EREG: variants seen among roughly 807,000 people sequenced by gnomAD.
EREG encodes the protein epiregulin, also known as proepiregulin.
Under a neutral mutation model 22.4 loss-of-function variants are expected in EREG, and 23 were observed. The observed-to-expected ratio is 1.03, with a 90% CI of 0.74 to 1.46. EREG has a LOEUF of 1.46. Ranked by LOEUF, EREG falls within the 40% of genes most tolerant of loss-of-function variation. The pLI, the probability that EREG is intolerant of heterozygous loss-of-function variation, is 0.00. For missense variants in EREG, 226 were observed against 205.9 expected (o/e 1.10, Z -0.60); for synonymous variants, 100 against 75.4 (o/e 1.33, Z -1.69).
chr4:74,374,955 A>C (rs980668494), intron 1 of EREG, among the ~76,000 whole-genome samples: 1 of 152,236 alleles, frequency 6.6e-6, no homozygotes, highest in Non-Finnish European at 1.5e-5. Context: ...GCTGTATTGT[A>C]AAAGAAGCGC....
At chr4:74,381,199 C>CA in intron 3 of EREG, 62 bp downstream of exon 3, 3 of 1,460,854 alleles carry the variant, frequency 2.1e-6, no homozygotes, top group Non-Finnish European at 2.8e-6. Context: ...TTTAGGGGTA[C>CA]AAGTGCAGAT....
At chr4:74,374,876 T>G (rs1752352170) in intron 1 of EREG, among the ~76,000 whole-genome samples, 1 of 152,176 alleles carries the variant, frequency 6.6e-6, no homozygotes, top group African/African-American at 2.4e-5. Context: ...TAGGTGAGGT[T>G]CACATTCCTA....
chr4:74,379,614 G>T, intron 2 of EREG, 80 bp downstream of exon 2: 1 of 851,628 alleles, frequency 1.2e-6, no homozygotes, highest in Non-Finnish European at 1.9e-6. Context: ...CTATAAGTAT[G>T]TGATAATTTT....
rs569350782 is a variant in EREG, at chr4:74,370,267, A to C, written c.67+4892A>C. Among the ~76,000 whole-genome samples the C allele has an allele frequency of 3.3e-5, 5 of 152,064 alleles. No individual in the cohort carries two copies. The East Asian group carries it at 9.7e-4, about 29-fold the overall frequency. On this transcript the variant is annotated intron_variant, in intron 1 of 4. Coordinates refer to ENST00000244869, the MANE Select transcript of EREG (RefSeq NM_001432.3). Reference sequence around the variant, plus strand: ...ACATCACACTGTAAGTGTGTGTATAACTCTATCCCTCCTTGCTGGTGCTAT... The same window carrying C: ...ACATCACACTGTAAGTGTGTGTATACCTCTATCCCTCCTTGCTGGTGCTAT...
chr4:74,388,367 G>A lies in EREG; in HGVS notation c.*3559G>A, dbSNP rs971832919. ...GTGTATATTTTAATGTTTTTAAAAAGAGTAATTTCATTTAAATATCTGTTA... is the reference window on the plus strand; with the variant it reads ...GTGTATATTTTAATGTTTTTAAAAAAAGTAATTTCATTTAAATATCTGTTA... On this transcript the variant is annotated 3_prime_UTR_variant, in exon 5 of 5. Transcript: ENST00000244869. 1 of 152,356 alleles carries A rather than the reference G, an allele frequency of 6.6e-6. No individual in the cohort carries two copies. The highest frequency in any genetic ancestry group is 6.5e-5 in the Admixed American group (1 of 15,280). 9.4% of individuals were successfully genotyped at this position (152,356 alleles called of 1,614,324 possible). A position where few individuals can be genotyped will look rare whatever the true frequency, so the allele number is the denominator to read the frequency against.
Position 74,381,157 on chromosome 4 carries a change from C to A in EREG, c.278+20C>A. 1.2e-6 allele frequency: 2 copies of A among 1,602,594 alleles called. No homozygotes were observed. Among genetic ancestry groups the A allele is most frequent in the Non-Finnish European group, 8.5e-7 (1 of 1,174,584 alleles). On this transcript the variant is annotated intron_variant, in intron 3 of 4. Coordinates refer to ENST00000244869, the MANE Select transcript of EREG (RefSeq NM_001432.3). ...CTGCAGGTAATATGTCAGAAATAAA[C>A]AAACACAGTTTGTAAAATTTTGTTT... is the stretch of plus-strand genomic sequence containing the variant.
intron 1 of EREG, among the ~76,000 whole-genome samples, chr4:74,370,564 A>C (rs1481916420): frequency 6.6e-6 from 1 of 152,084 alleles, no homozygotes; most frequent in Non-Finnish European, 1.5e-5. Flanking sequence ...TCACATTTTT[A>C]TCTCTTATTA....
At chr4:74,379,252 T>C (rs1311348464) in intron 1 of EREG, among the ~76,000 whole-genome samples, 196 bp from the exon 2 acceptor site, 1 of 152,208 alleles carries the variant, frequency 6.6e-6, no homozygotes, top group Non-Finnish European at 1.5e-5. Flanking sequence ...AAGGCTTTTA[T>C]CCTTCCACAG....
chr4:74,379,576 T>G (rs557859793), intron 2 of EREG, 42 bp downstream of exon 2: 1 of 1,139,972 alleles, frequency 8.8e-7, no homozygotes, highest in Non-Finnish European at 1.3e-6. Flanking sequence ...AGACTACATA[T>G]TTTTAAACAG....
At chr4:74,379,681 T>C (rs919512677) in intron 2 of EREG, 147 bp downstream of exon 2, 2 of 512,218 alleles carry the variant, frequency 3.9e-6, no homozygotes, top group South Asian at 3.6e-5. Context: ...TATAAACTAA[T>C]GTTCTGAAAA....
rs1452439466 is a variant in EREG, at chr4:74,386,275, T to C, written c.*1467T>C. 1 of 154,854 alleles carries C rather than the reference T, an allele frequency of 6.5e-6. No homozygotes were observed. Among genetic ancestry groups the C allele is most frequent in the East Asian group, 1.9e-4 (1 of 5,318 alleles). The allele number at this position is 154,854 out of a possible 1,614,324, so 9.6% of individuals were successfully genotyped here. A position where few individuals can be genotyped will look rare whatever the true frequency, so the allele number is the denominator to read the frequency against. On this transcript the variant is annotated 3_prime_UTR_variant, in exon 5 of 5. Coordinates refer to ENST00000244869, the MANE Select transcript of EREG (RefSeq NM_001432.3). The stretch of plus-strand genomic sequence containing the variant: ...CTTCCTCTACGTTTATCCTGGCATG[T>C]GCTAGGGTAAACGAAGGCATAATAA...
In EREG at chr4:74,384,908, C is replaced by T. The variant is rs994556722; in HGVS notation, c.*100C>T. 18 of 623,366 alleles carry T rather than the reference C, an allele frequency of 2.9e-5. No homozygotes were observed. The highest frequency in any genetic ancestry group is 5.0e-5 in the Non-Finnish European group (18 of 357,332). 38.6% of individuals were successfully genotyped at this position (623,366 alleles called of 1,614,324 possible). ...ATTTATGTTGGGTCAAGTGTTAGGT[C>T]AATAACACTGTATTTTAATGTACTT... On this transcript the variant is annotated 3_prime_UTR_variant, in exon 5 of 5. Coordinates refer to ENST00000244869, the MANE Select transcript of EREG (RefSeq NM_001432.3).
At position 74,379,490 on chromosome 4, in the gene EREG, C is replaced by T. The variant is rs1752438983; in HGVS notation, c.110C>T (p.Pro37Leu). 1 of 1,612,540 alleles carries T rather than the reference C, an allele frequency of 6.2e-7. No individual in the cohort carries two copies. Among genetic ancestry groups the T allele is most frequent in the East Asian group, 2.2e-5 (1 of 44,840 alleles). The change falls in exon 2 of 5, where the codon CCA becomes CTA. Residue 37 changes from proline (P) to leucine (L), a missense_variant. Transcript: ENST00000244869. ...LQAVLSTTVIPSCIPGESSDN... is the reference protein window; with the variant it reads ...LQAVLSTTVILSCIPGESSDN... ...GCAGTCCTCAGTACAACTGTGATTC[C>T]ATCATGTATCCCAGGAGAGTCCAGT...
rs775568426 is a variant in EREG, at chr4:74,365,304, C to G, written c.-5C>G. 1.2e-6 allele frequency: 2 copies of G among 1,602,904 alleles called. No homozygotes were observed. Among genetic ancestry groups the G allele is most frequent in the African/African-American group, 1.3e-5 (1 of 74,910 alleles). On this transcript the variant is annotated 5_prime_UTR_variant, in exon 1 of 5. It adds an upstream start codon to the 5' untranslated region. Coordinates refer to ENST00000244869, the MANE Select transcript of EREG (RefSeq NM_001432.3). ...GCCAAGCCCCAGCGCCCGCTCCCAT[C>G]GCCGATGACCGCGGGGAGGAGGATG... is the stretch of plus-strand genomic sequence containing the variant.
At position 74,387,904 on chromosome 4, in the gene EREG, TCCTTAA is replaced by T. The variant is rs1449309970; in HGVS notation, c.*3109_*3114del. The T allele has an allele frequency of 6.6e-6, 1 of 152,208 alleles. No individual in the cohort carries two copies. 9.4% of individuals were successfully genotyped at this position (152,208 alleles called of 1,614,324 possible). ...AAGGTTTAACCTTAAAATTAAGATT[TCCTTAA>T]CCTTAACCTTAAAATTGATATTATA... On this transcript the variant is annotated 3_prime_UTR_variant, in exon 5 of 5. Transcript: ENST00000244869.
At position 74,365,358 on chromosome 4, in the gene EREG, C is replaced by A. The variant is rs137906252; in HGVS notation, c.50C>A (p.Ala17Glu). 6 of 1,610,984 alleles carry A rather than the reference C, an allele frequency of 3.7e-6. No individual in the cohort carries two copies. In the South Asian group the frequency reaches 4.4e-5, roughly 12 times the overall value. The change falls in exon 1 of 5, where the codon GCG becomes GAG. Residue 17 changes from alanine (A) to glutamate (E), a missense_variant. Physicochemically the swap from Ala to Glu is moderately radical, Grantham distance 107. Coordinates refer to ENST00000244869, the MANE Select transcript of EREG (RefSeq NM_001432.3). ...MEMLCAGRVP[A>E]LLLCLGFHLL... is the part of the protein sequence containing the mutation. ...ATGCTCTGTGCCGGCAGGGTCCCTG[C>A]GCTGCTGCTCTGCCTGGGTAAGTTC...
intron 1 of EREG, 36 bp downstream of exon 1, chr4:74,365,411 A>G (rs1055038815): frequency 6.2e-7 from 1 of 1,601,476 alleles, no homozygotes; most frequent in Non-Finnish European, 8.5e-7. Context: ...GCCGCCCCAA[A>G]GAGGAGACAA....
At chr4:74,372,867 G>A (rs1439500528) in intron 1 of EREG, among the ~76,000 whole-genome samples, 1 of 144,036 alleles carries the variant, frequency 6.9e-6, no homozygotes, top group Non-Finnish European at 1.5e-5. Context: ...GAGTGCAGTG[G>A]GGTGATCTCG....
intron 2 of EREG, 84 bp from the exon 3 acceptor site, chr4:74,380,930 A>G (rs1752462707): frequency 5.0e-6 from 7 of 1,408,880 alleles, no homozygotes; most frequent in Non-Finnish European, 3.9e-6. Context: ...GTGTAGAAGT[A>G]GTTCAGTGGT....
Sources: allele counts gnomAD v4.1 joint callset (sites outside exome capture counted in the v4.1 genomes callset), GRCh38; gene constraint gnomAD v4.1.1; transcripts MANE v1.5; gene names NCBI Gene and HGNC (gene_info 2026-07-23, HGNC 2026-07-21).